The following GBE1 variants were observed in gnomAD, a reference collection of about 807,000 sequenced individuals.
GBE1 encodes 1,4-alpha-glucan-branching enzyme.
GBE1 carries 70 observed loss-of-function variants against 88.8 expected under a neutral mutation model. The observed-to-expected ratio is 0.79, with a 90% CI of 0.65 to 0.96. The LOEUF (loss-of-function observed/expected upper bound fraction) is 0.96. GBE1 is among the 40% of genes least tolerant of loss of function. The probability of loss-of-function intolerance (pLI) is 0.00; values close to 1 mark genes in which losing one functional copy is unlikely to be tolerated. For synonymous variants in GBE1, 284 were observed against 300.1 expected (o/e 0.95, Z 0.56); for missense variants, 872 against 871.0 (o/e 1.00, Z -0.01).
intron 14 of GBE1, among the ~76,000 whole-genome samples, chr3:81,507,680 A>G (rs1462446351): frequency 6.9e-6 from 1 of 144,518 alleles, no homozygotes; most frequent in African/African-American, 2.5e-5. Flanking sequence ...GTGTGTGTAT[A>G]TATATATGTG....
At chr3:81,756,573 A>AGTGTATT (rs1706604939) in intron 1 of GBE1, among the ~76,000 whole-genome samples, 1 of 152,230 alleles carries the variant, frequency 6.6e-6, no homozygotes, top group Non-Finnish European at 1.5e-5. Context: ...GTAGAAAGAC[A>AGTGTATT]ACTGTATTAC....
chr3:81,594,004 G>T lies in GBE1; in HGVS notation c.1012C>A (p.Leu338Ile). The change falls in exon 8 of 16, where the codon CTT (leucine) becomes ATT (isoleucine). Residue 338 changes from leucine to isoleucine, a missense_variant. Leu to Ile is a conservative substitution (Grantham distance 5). Coordinates refer to ENST00000429644, the MANE Select transcript of GBE1 (RefSeq NM_000158.4). ...AACCACCATCTTATGTTTGACAGAA[G>T]GAATCTTAAAATTTCCCAGCTAAAA... Reference protein sequence around the residue: ...AYSSWEILRFLLSNIRWWLEE... With the variant: ...AYSSWEILRFILSNIRWWLEE... The T allele has an allele frequency of 6.4e-7, 1 of 1,560,730 alleles. No homozygotes were observed. Among genetic ancestry groups the T allele is most frequent in the East Asian group, 2.3e-5 (1 of 43,292 alleles).
intron 7 of GBE1, among the ~76,000 whole-genome samples, chr3:81,603,629 G>A (rs1246031331): frequency 6.6e-6 from 1 of 151,990 alleles, no homozygotes; most frequent in African/African-American, 2.4e-5. Context: ...CAAGTAGCTG[G>A]GATTACAGGC....
chr3:81,685,950 AG>A (rs1705431469), intron 2 of GBE1, among the ~76,000 whole-genome samples: 1 of 152,172 alleles, frequency 6.6e-6, no homozygotes, highest in Non-Finnish European at 1.5e-5. Flanking sequence ...ACTCTGGCAA[AG>A]GTCACCACAG....
intron 1 of GBE1, among the ~76,000 whole-genome samples, chr3:81,715,849 A>G (rs1705930317): frequency 6.6e-6 from 1 of 152,204 alleles, no homozygotes; most frequent in African/African-American, 2.4e-5. Flanking sequence ...TTTTTAAAAA[A>G]AATAAGAAAT....
chr3:81,531,464 C>T (rs1013541650), intron 14 of GBE1, among the ~76,000 whole-genome samples: 2 of 151,976 alleles, frequency 1.3e-5, no homozygotes, highest in Non-Finnish European at 2.9e-5. Context: ...TTCTGGGTCT[C>T]ATCAAAGGCC....
chr3:81,750,644 T>TGTATATATATATACGTATATATATATAC (rs1706508409), intron 1 of GBE1, among the ~76,000 whole-genome samples: 1 of 50,916 alleles, frequency 2.0e-5, no homozygotes, highest in African/African-American at 1.5e-4. Flanking sequence ...TATATATATA[T>TGTATATATATATACGTATATATATATAC]GTATATATAT....
At chr3:81,590,042 TTTATTCCCAGAAAATACTTAAAAAG>T (rs1297170265) in intron 9 of GBE1, among the ~76,000 whole-genome samples, 10 of 152,034 alleles carry the variant, frequency 6.6e-5, no homozygotes, top group Non-Finnish European at 1.5e-4. Flanking sequence ...GGGCTACTGC[TTTATTCCCAGAAAATACTTAAAAAG>T]TAAAATGCCT....
chr3:81,657,054 G>A (rs1407591413), intron 3 of GBE1, among the ~76,000 whole-genome samples: 1 of 149,956 alleles, frequency 6.7e-6, no homozygotes, highest in East Asian at 2.0e-4. Context: ...TACTCGGGAG[G>A]CTGAAACAGG....
chr3:81,525,907 T>C (rs1702937181), intron 14 of GBE1, among the ~76,000 whole-genome samples: 2 of 152,126 alleles, frequency 1.3e-5, no homozygotes, highest in Non-Finnish European at 2.9e-5. Context: ...TTGCATCTAC[T>C]TGATTCTTCT....
intron 14 of GBE1, among the ~76,000 whole-genome samples, chr3:81,518,824 T>C (rs1702833126): frequency 6.6e-6 from 1 of 151,436 alleles, no homozygotes; most frequent in Admixed American, 6.6e-5. Context: ...TCATCATCAA[T>C]AAATTGCAGC....
At position 81,609,558 on chromosome 3, in the gene GBE1, G is replaced by T. The variant is rs78377253; in HGVS notation, c.993-15535C>A. On this transcript the variant is annotated intron_variant, in intron 7 of 15. Transcript: ENST00000429644. Reference sequence around the variant, plus strand: ...ATGTTTGCTCCCTAGGATTTTGGGGGTTTTTTTTTGGTTTTTGTTTGTTTT... The same window carrying T: ...ATGTTTGCTCCCTAGGATTTTGGGGTTTTTTTTTTGGTTTTTGTTTGTTTT... 8.5e-3 allele frequency among the ~76,000 whole-genome samples: 1,286 copies of T among 150,410 alleles called. 9 individuals carry two copies. Among genetic ancestry groups the T allele is most frequent in the East Asian group, 0.032 (162 of 5,100 alleles).
chr3:81,664,205 T>C (rs761873087), intron 3 of GBE1, among the ~76,000 whole-genome samples: 3 of 152,082 alleles, frequency 2.0e-5, no homozygotes, highest in Non-Finnish European at 4.4e-5. Flanking sequence ...CAGTACTCTT[T>C]TTATGAAAAA....
chr3:81,662,421 T>C (rs1705044776), intron 3 of GBE1, among the ~76,000 whole-genome samples: 1 of 152,142 alleles, frequency 6.6e-6, no homozygotes, highest in Admixed American at 6.5e-5. Context: ...AAGGCTTCCA[T>C]GCTGGCTCAG....
chr3:81,703,974 G>A (rs923155660), intron 2 of GBE1, among the ~76,000 whole-genome samples: 4 of 151,820 alleles, frequency 2.6e-5, no homozygotes, highest in African/African-American at 4.8e-5. Flanking sequence ...TGGTATCCAC[G>A]AGAAGTTGTA....
At chr3:81,662,212 T>C (rs1705042125) in intron 3 of GBE1, among the ~76,000 whole-genome samples, 1 of 152,070 alleles carries the variant, frequency 6.6e-6, no homozygotes, top group African/African-American at 2.4e-5. Flanking sequence ...TTTGTATTTT[T>C]ACAGAGACCT....
chr3:81,563,139 T>G (rs1171543099), intron 12 of GBE1, among the ~76,000 whole-genome samples: 1 of 152,098 alleles, frequency 6.6e-6, no homozygotes, highest in East Asian at 1.9e-4. Context: ...TGAATAACAC[T>G]GGCAGAGTCC....
chr3:81,601,716 GT>G (rs774170020), intron 7 of GBE1, among the ~76,000 whole-genome samples: 15 of 152,030 alleles, frequency 9.9e-5, no homozygotes, highest in Non-Finnish European at 2.2e-4. Flanking sequence ...ATATCAATGT[GT>G]TCTATTAGTT....
intron 1 of GBE1, among the ~76,000 whole-genome samples, chr3:81,722,406 G>C (rs563737165): frequency 6.6e-6 from 1 of 151,476 alleles, no homozygotes; most frequent in African/African-American, 2.4e-5. Flanking sequence ...TTGATAATGG[G>C]GTTAATGATT....
Sources: allele counts gnomAD v4.1 joint callset (sites outside exome capture counted in the v4.1 genomes callset), GRCh38; gene constraint gnomAD v4.1.1; transcripts MANE v1.5; gene names NCBI Gene and HGNC (gene_info 2026-07-23, HGNC 2026-07-21).